The following NTNG1 variants were observed in gnomAD, a reference collection of about 807,000 sequenced individuals.
The protein encoded by NTNG1 is netrin G1, also known as netrin-G1.
A neutral mutation model predicts 54.0 loss-of-function variants in NTNG1; 16 were observed. The observed-to-expected ratio is 0.30, with a 90% CI of 0.20 to 0.45. The LOEUF (loss-of-function observed/expected upper bound fraction) is 0.45. Among genes scored for constraint, NTNG1 ranks in the 20% least tolerant of loss-of-function variants. The pLI, the probability that NTNG1 is intolerant of heterozygous loss-of-function variation, is 1.00. For missense variants in NTNG1, 530 were observed against 678.7 expected (o/e 0.78, Z 2.43); for synonymous variants, 255 against 263.1 (o/e 0.97, Z 0.30).
At chr1:107,250,010 A>T (rs1470773465) in intron 2 of NTNG1, among the ~76,000 whole-genome samples, 1 of 152,144 alleles carries the variant, frequency 6.6e-6, no homozygotes, top group East Asian at 1.9e-4. Context: ...GTGTAGGGGC[A>T]GGGAGAAGTG....
chr1:107,377,335 C>T (rs371994781), intron 3 of NTNG1, among the ~76,000 whole-genome samples: 1 of 152,182 alleles, frequency 6.6e-6, no homozygotes, highest in Non-Finnish European at 1.5e-5. Context: ...CACTGCCTGG[C>T]TCCAGAGAAA....
chr1:107,324,189 T>TC (rs1667813199), intron 2 of NTNG1, 93 bp from the exon 3 acceptor site: 1 of 1,154,478 alleles, frequency 8.7e-7, no homozygotes, highest in African/African-American at 1.6e-5. Flanking sequence ...ATTTTTTTTT[T>TC]CCTTTTCTAG....
intron 2 of NTNG1, among the ~76,000 whole-genome samples, chr1:107,161,660 C>CA (rs35347655): frequency 0.095 from 9,011 of 95,004 alleles, 910 homozygotes; most frequent in African/African-American, 0.28. Flanking sequence ...AACTGTGTCT[C>CA]AAAAAAAAAA....
rs143355081 is a variant in NTNG1 at position 107,395,555 on chromosome 1, T to C, written c.1060+229T>C. 1.6e-3 allele frequency: 1,149 copies of C among 708,238 alleles called. 11 individuals carry two copies. In the African/African-American group the frequency reaches 0.017, roughly 10 times the overall value. 43.9% of individuals were successfully genotyped at this position (708,238 alleles called of 1,614,324 possible). A position where few individuals can be genotyped will look rare whatever the true frequency, so the allele number is the denominator to read the frequency against. On this transcript the variant is annotated intron_variant, in intron 4 of 7. Transcript: ENST00000370068. ...TCACATCAAATGTGTTGGGAAATGA[T>C]ACTTGACATCACAGAAGGAATTTTT...
At chr1:107,395,787 TA>T (rs1396292239) in intron 4 of NTNG1, among the ~76,000 whole-genome samples, 1 of 152,182 alleles carries the variant, frequency 6.6e-6, no homozygotes, top group Non-Finnish European at 1.5e-5. Flanking sequence ...ACTACAGTTT[TA>T]GCTAGGACCT....
chr1:107,231,609 A>C (rs1015505199), intron 2 of NTNG1, among the ~76,000 whole-genome samples: 2 of 152,154 alleles, frequency 1.3e-5, no homozygotes, highest in East Asian at 3.9e-4. Flanking sequence ...TGAGAACTTC[A>C]CCACTTGTTA....
At chr1:107,429,353 T>G (rs1315216704) in intron 5 of NTNG1, among the ~76,000 whole-genome samples, 1 of 152,146 alleles carries the variant, frequency 6.6e-6, no homozygotes, top group East Asian at 1.9e-4. Context: ...CATATTAATT[T>G]TTTTAAAAGT....
At chr1:107,397,203 G>A (rs557028807) in intron 4 of NTNG1, among the ~76,000 whole-genome samples, 7 of 152,200 alleles carry the variant, frequency 4.6e-5, no homozygotes, top group African/African-American at 1.4e-4. Context: ...CATTTTGGAC[G>A]TTTTTCCTCA....
At chr1:107,392,695 G>C (rs971934080) in intron 3 of NTNG1, among the ~76,000 whole-genome samples, 3 of 152,150 alleles carry the variant, frequency 2.0e-5, no homozygotes, top group Admixed American at 6.5e-5. Flanking sequence ...GGCAAGTATA[G>C]GAAACTCAAG....
intron 2 of NTNG1, among the ~76,000 whole-genome samples, chr1:107,182,066 A>C (rs1657113318): frequency 6.6e-6 from 1 of 152,056 alleles, no homozygotes. Context: ...AACTCTAAAC[A>C]CTTCTAAACC....
chr1:107,372,730 C>G (rs1670996051), intron 3 of NTNG1, among the ~76,000 whole-genome samples: 1 of 152,026 alleles, frequency 6.6e-6, no homozygotes, highest in Non-Finnish European at 1.5e-5. Flanking sequence ...CTATCAATTA[C>G]TGAGAAAGGA....
At chr1:107,418,525 C>A in intron 5 of NTNG1, 1 of 1,285,324 alleles carries the variant, frequency 7.8e-7, no homozygotes, top group East Asian at 2.5e-5. Flanking sequence ...TCTGTTTAGA[C>A]CAAATGACAT....
At chr1:107,362,854 C>G (rs765320887) in intron 3 of NTNG1, among the ~76,000 whole-genome samples, 4 of 152,218 alleles carry the variant, frequency 2.6e-5, no homozygotes, top group South Asian at 2.1e-4. Context: ...GTTTCCCTAC[C>G]CTTCTTAACA....
At chr1:107,382,893 A>G (rs1469569350) in intron 3 of NTNG1, among the ~76,000 whole-genome samples, 1 of 151,718 alleles carries the variant, frequency 6.6e-6, no homozygotes, top group African/African-American at 2.4e-5. Flanking sequence ...TGCTAGGTGC[A>G]CTCTTCTCTA....
chr1:107,357,217 A>G lies in NTNG1; in HGVS notation c.887+32295A>G, dbSNP rs368320939. Among the ~76,000 whole-genome samples, 5 of 152,286 alleles carry G rather than the reference A, an allele frequency of 3.3e-5. No individual in the cohort carries two copies. The South Asian group carries it at 1.0e-3, about 32-fold the overall frequency. Reference sequence around the variant, plus strand: ...AGAGGACTAACTTATGCCCTATAGTATATGAGAGTACTATTTGAAAGAAAT... The same window carrying G: ...AGAGGACTAACTTATGCCCTATAGTGTATGAGAGTACTATTTGAAAGAAAT... On this transcript the variant is annotated intron_variant, in intron 3 of 7. Coordinates refer to ENST00000370068, the MANE Select transcript of NTNG1 (RefSeq NM_001113226.3).
At chr1:107,459,533 GA>G (rs373578785) in intron 7 of NTNG1, among the ~76,000 whole-genome samples, 52 of 150,600 alleles carry the variant, frequency 3.5e-4, no homozygotes, top group African/African-American at 7.8e-4. Context: ...GTTGCCAAAA[GA>G]AAAAAAAATG....
chr1:107,261,680 A>G (rs1401275700), intron 2 of NTNG1, among the ~76,000 whole-genome samples: 2 of 152,080 alleles, frequency 1.3e-5, no homozygotes, highest in Admixed American at 6.5e-5. Context: ...CGTCTCTACT[A>G]AAAATACAAA....
intron 3 of NTNG1, among the ~76,000 whole-genome samples, chr1:107,337,764 G>C (rs1291453585): frequency 6.6e-6 from 1 of 151,930 alleles, no homozygotes; most frequent in African/African-American, 2.4e-5. Context: ...CACTTTTAAT[G>C]TTATTCTTGG....
At chr1:107,256,300 G>A (rs1358735338) in intron 2 of NTNG1, among the ~76,000 whole-genome samples, 3 of 152,186 alleles carry the variant, frequency 2.0e-5, no homozygotes, top group Non-Finnish European at 4.4e-5. Flanking sequence ...GGTAACCAGG[G>A]TGGTGAGTAC....
Sources: allele counts gnomAD v4.1 joint callset (sites outside exome capture counted in the v4.1 genomes callset), GRCh38; gene constraint gnomAD v4.1.1; transcripts MANE v1.5; gene names NCBI Gene and HGNC (gene_info 2026-07-23, HGNC 2026-07-21).